The following SECISBP2L variants were observed in gnomAD, a reference collection of about 807,000 sequenced individuals.
SECISBP2L encodes SECIS binding protein 2 like, also known as selenocysteine insertion sequence-binding protein 2-like.
A neutral mutation model predicts 114.7 loss-of-function variants in SECISBP2L; 43 were observed. The observed-to-expected ratio is 0.38, with a 90% CI of 0.29 to 0.48. SECISBP2L has a LOEUF of 0.48. Among genes scored for constraint, SECISBP2L ranks in the 20% least tolerant of loss-of-function variants. SECISBP2L has a pLI of 0.98. For synonymous variants in SECISBP2L, 451 were observed against 439.7 expected (o/e 1.03, Z -0.32); for missense variants, 1,136 against 1,301.1 (o/e 0.87, Z 1.95).
At chr15:49,025,843 A>C (rs563566631) in intron 7 of SECISBP2L, among the ~76,000 whole-genome samples, 1 of 152,354 alleles carries the variant, frequency 6.6e-6, no homozygotes, top group African/African-American at 2.4e-5. Context: ...TCAAAAACTA[A>C]AAAAGAACTG....
Position 49,035,480 on chromosome 15 carries a change from T to A in SECISBP2L, c.382A>T (p.Thr128Ser). Reference protein sequence around the residue: ...QVMGFYHPFPTPYSNTFQAAN... With the variant: ...QVMGFYHPFPSPYSNTFQAAN... Reference sequence around the variant, plus strand: ...GCCTGAAAGGTGTTGGAGTAAGGTGTAGGAAAAGGATGATAGAAACCCATA... The same window carrying A: ...GCCTGAAAGGTGTTGGAGTAAGGTGAAGGAAAAGGATGATAGAAACCCATA... Residue 128 changes from threonine (T) to serine (S), a missense_variant, in exon 3 of 18, where the codon ACA (threonine) becomes TCA (serine). Transcript: ENST00000559471. 3 of 1,614,114 alleles carry A rather than the reference T, an allele frequency of 1.9e-6. No individual in the cohort carries two copies. Among genetic ancestry groups the A allele is most frequent in the Non-Finnish European group, 2.5e-6 (3 of 1,179,996 alleles).
intron 7 of SECISBP2L, among the ~76,000 whole-genome samples, chr15:49,022,843 T>A (rs759449180): frequency 1.8e-4 from 27 of 152,280 alleles, no homozygotes; most frequent in Non-Finnish European, 1.8e-4. Context: ...AAAGTCACTT[T>A]GAAATTACAA....
At chr15:49,030,248 T>TA (rs892243061) in intron 4 of SECISBP2L, among the ~76,000 whole-genome samples, 3 of 152,296 alleles carry the variant, frequency 2.0e-5, no homozygotes, top group East Asian at 1.9e-4. Flanking sequence ...GTTCTGTACT[T>TA]AGAGTAGTAT....
chr15:49,020,977 A>C (rs754011127), intron 7 of SECISBP2L, among the ~76,000 whole-genome samples: 10 of 152,222 alleles, frequency 6.6e-5, no homozygotes, highest in Non-Finnish European at 1.3e-4. Flanking sequence ...GTTATGGACT[A>C]AAATGTTTCC....
intron 11 of SECISBP2L, among the ~76,000 whole-genome samples, chr15:49,013,745 C>T (rs554268741): frequency 7.4e-4 from 113 of 152,302 alleles, no homozygotes; most frequent in African/African-American, 2.5e-3. Flanking sequence ...TATAAACTTA[C>T]CAACCACCTG....
Position 49,001,120 on chromosome 15 carries a change from G to A in SECISBP2L, c.2028-23C>T, listed in dbSNP as rs369950295. 166 of 1,519,002 alleles carry A rather than the reference G, an allele frequency of 1.1e-4. 1 individual carries two copies. In the Middle Eastern group the frequency reaches 3.0e-3, roughly 27 times the overall value. The allele number at this position is 1,519,002 out of a possible 1,614,324, so 94.1% of individuals were successfully genotyped here. The stretch of plus-strand genomic sequence containing the variant: ...TACCTGTAAAAAAAAACCAAAATGG[G>A]TAACTCCATCCTAATTTTTTTCCCT... On this transcript the variant is annotated intron_variant, in intron 14 of 17. Transcript: ENST00000559471.
At chr15:49,026,078 A>G (rs1475065121) in intron 7 of SECISBP2L, among the ~76,000 whole-genome samples, 2 of 152,216 alleles carry the variant, frequency 1.3e-5, no homozygotes, top group African/African-American at 4.8e-5. Flanking sequence ...TCACAGCAAC[A>G]TGGATGAGCC....
Position 49,035,593 on chromosome 15 carries a change from T to C in SECISBP2L, c.269A>G (p.Tyr90Cys), listed in dbSNP as rs1367741814. The C allele has an allele frequency of 3.1e-6, 5 of 1,614,146 alleles. No individual in the cohort carries two copies. The highest frequency in any genetic ancestry group is 4.2e-6 in the Non-Finnish European group (5 of 1,180,014). Reference sequence around the variant, plus strand: ...AGCAGATATAATGGGATAGGCAAAGTATGGTCCAGTAGGGTTTGGATTGGG... The same window carrying C: ...AGCAGATATAATGGGATAGGCAAAGCATGGTCCAGTAGGGTTTGGATTGGG... ...QQPNPNPTGP[Y>C]FAYPIISAQP... The change falls in exon 3 of 18, where the codon TAC becomes TGC. Residue 90 changes from tyrosine to cysteine, a missense_variant. Tyr to Cys is a radical substitution (Grantham distance 194). Around this residue, in one of 2 missense-constraint regions of SECISBP2L, gnomAD observed 452 missense variants for 452.3 expected, o/e 1.00. Coordinates refer to ENST00000559471, the MANE Select transcript of SECISBP2L (RefSeq NM_001193489.2).
At chr15:49,042,122 TTAATA>T (rs1472986492) in intron 1 of SECISBP2L, among the ~76,000 whole-genome samples, 7 of 152,352 alleles carry the variant, frequency 4.6e-5, no homozygotes, top group African/African-American at 1.7e-4. Context: ...CTTTCTAGAT[TTAATA>T]TTAGTTTCTG....
In SECISBP2L at chr15:49,035,595, T is replaced by C; in HGVS notation, c.267A>G (p.Pro89=). ...WQQPNPNPTG[P]YFAYPIISAQ... Reference sequence around the variant, plus strand: ...CAGATATAATGGGATAGGCAAAGTATGGTCCAGTAGGGTTTGGATTGGGTT... The same window carrying C: ...CAGATATAATGGGATAGGCAAAGTACGGTCCAGTAGGGTTTGGATTGGGTT... Residue 89 remains proline (P), a synonymous_variant, in exon 3 of 18, where the codon CCA becomes CCG. Coordinates refer to ENST00000559471, the MANE Select transcript of SECISBP2L (RefSeq NM_001193489.2). 1.2e-6 allele frequency: 2 copies of C among 1,614,210 alleles called. No individual in the cohort carries two copies. The highest frequency in any genetic ancestry group is 1.1e-5 in the South Asian group (1 of 91,086).
intron 4 of SECISBP2L, among the ~76,000 whole-genome samples, chr15:49,029,056 G>A (rs1362453373): frequency 6.6e-6 from 1 of 152,142 alleles, no homozygotes; most frequent in Non-Finnish European, 1.5e-5. Flanking sequence ...GTTTCGCCAT[G>A]TTGCCCAGGC....
chr15:49,026,074 C>T (rs185990555), intron 7 of SECISBP2L, among the ~76,000 whole-genome samples: 78 of 152,246 alleles, frequency 5.1e-4, no homozygotes, highest in African/African-American at 1.8e-3. Context: ...TCATTCACAG[C>T]AACATGGATG....
At chr15:49,037,238 TA>T (rs369160965) in intron 2 of SECISBP2L, among the ~76,000 whole-genome samples, 1 of 118,666 alleles carries the variant, frequency 8.4e-6, no homozygotes, top group African/African-American at 3.3e-5. Context: ...CACCAGAGAC[TA>T]TCTTGGCAAC....
chr15:48,996,714 T>G (rs1420027955), intron 16 of SECISBP2L, 128 bp from the exon 17 acceptor site: 4 of 724,082 alleles, frequency 5.5e-6, no homozygotes, highest in African/African-American at 1.8e-5. Context: ...ATCCAAATGG[T>G]ATGCAAACCA....
At chr15:49,023,638 A>AAG (rs1902685719) in intron 7 of SECISBP2L, among the ~76,000 whole-genome samples, 1 of 152,236 alleles carries the variant, frequency 6.6e-6, no homozygotes, top group Non-Finnish European at 1.5e-5. Flanking sequence ...TCCACTGGTA[A>AAG]GACTACAGAA....
rs1313787403 is a variant in SECISBP2L at position 49,011,831 on chromosome 15, C to A, written c.1764G>T (p.Gly588=). 6.2e-7 allele frequency: 1 copy of A among 1,614,062 alleles called. No homozygotes were observed. Among genetic ancestry groups the A allele is most frequent in the South Asian group, 1.1e-5 (1 of 91,078 alleles). Reference sequence around the variant, plus strand: ...AAAGATTGTGGTCCACAGTTAAGCGCCCCTTCTTTTCCTCTCTTTCTTTTA... The same window carrying A: ...AAAGATTGTGGTCCACAGTTAAGCGACCCTTCTTTTCCTCTCTTTCTTTTA... ...VILKEREEKK[G]RLTVDHNLLG... is the part of the protein sequence containing the mutation. The change falls in exon 13 of 18, where the codon GGG becomes GGT. Residue 588 remains glycine, a synonymous_variant. Transcript: ENST00000559471.
intron 7 of SECISBP2L, among the ~76,000 whole-genome samples, chr15:49,020,849 T>A (rs1388035354): frequency 6.6e-6 from 1 of 152,210 alleles, no homozygotes; most frequent in East Asian, 1.9e-4. Context: ...ATACTTGCAG[T>A]TTATTTTTTT....
chr15:49,015,145 T>A (rs1293337399), intron 11 of SECISBP2L, among the ~76,000 whole-genome samples: 2 of 152,106 alleles, frequency 1.3e-5, no homozygotes, highest in Non-Finnish European at 2.9e-5. Flanking sequence ...CACAGGAAGG[T>A]TAAGTAACTT....
intron 1 of SECISBP2L, among the ~76,000 whole-genome samples, chr15:49,041,469 TA>T (rs560501552): frequency 4.6e-4 from 70 of 152,334 alleles, no homozygotes; most frequent in African/African-American, 1.7e-3. Context: ...AGAGCCTATA[TA>T]ATTCAACAAA....
Sources: allele counts gnomAD v4.1 joint callset (sites outside exome capture counted in the v4.1 genomes callset), GRCh38; gene constraint gnomAD v4.1.1; regional missense constraint gnomAD v4.1.1; transcripts MANE v1.5; gene names NCBI Gene and HGNC (gene_info 2026-07-23, HGNC 2026-07-21).